Variants in ZNF765 observed in about 807,000 individuals in gnomAD.
ZNF765 encodes the protein zinc finger protein 765.
In ZNF765, 37 loss-of-function variants were observed where a neutral mutation model predicts 44.7. The ratio of observed to expected loss-of-function variants is 0.83; its 90% CI spans 0.64 to 1.09. The LOEUF is 1.09. ZNF765 is among the 50% of genes least tolerant of loss of function. ZNF765 has a pLI of 0.00. For synonymous variants in ZNF765, 201 were observed against 213.7 expected (o/e 0.94, Z 0.52); for missense variants, 594 against 626.1 (o/e 0.95, Z 0.55).
At chr19:53,412,660 C>T (rs2085842423), downstream of ZNF765, among the ~76,000 whole-genome samples, 1 of 152,074 alleles carries the variant, frequency 6.6e-6, no homozygotes, top group African/African-American at 2.4e-5. Context: ...ATGATGAGAT[C>T]AGATGCAGTG....
chr19:53,396,760 A>T (rs2085675075), intron 1 of ZNF765, among the ~76,000 whole-genome samples: 1 of 152,178 alleles, frequency 6.6e-6, no homozygotes, highest in East Asian at 1.9e-4. Context: ...TTTTGGAGTG[A>T]ATGAATGCAT....
At chr19:53,400,321 G>C (rs1290560112) in intron 2 of ZNF765, among the ~76,000 whole-genome samples, 1 of 152,058 alleles carries the variant, frequency 6.6e-6, no homozygotes, top group Non-Finnish European at 1.5e-5. Flanking sequence ...ATGACAAATG[G>C]GCCTTTGCAA....
chr19:53,408,406 A>G lies in ZNF765; in HGVS notation c.851A>G (p.Tyr284Cys). 1.9e-6 allele frequency: 3 copies of G among 1,608,400 alleles called. No homozygotes were observed. The highest frequency in any genetic ancestry group is 2.5e-6 in the Non-Finnish European group (3 of 1,178,126). The stretch of plus-strand genomic sequence containing the variant: ...TGTGGCAAGACCTTCAGTCAGACAT[A>G]TTACCTAACATGCCATCGTAGACTT... Reference protein sequence around the residue: ...NECGKTFSQTYYLTCHRRLHT... With the variant: ...NECGKTFSQTCYLTCHRRLHT... Residue 284 changes from tyrosine (Y) to cysteine (C), a missense_variant, in exon 4 of 4, where the codon TAT becomes TGT. Transcript: ENST00000396408.
At chr19:53,421,628 C>T (rs1489807465) in intron 3 of ZNF765, among the ~76,000 whole-genome samples, 2 of 152,154 alleles carry the variant, frequency 1.3e-5, no homozygotes, top group Admixed American at 1.3e-4. Context: ...AATTCTCCTG[C>T]CTCAGCCTCC....
downstream of ZNF765, among the ~76,000 whole-genome samples, chr19:53,415,600 C>T (rs916560216): frequency 6.6e-6 from 1 of 152,082 alleles, no homozygotes; most frequent in Non-Finnish European, 1.5e-5. Flanking sequence ...CACAGTATAG[C>T]CAGCAGTTTA....
At chr19:53,413,189 C>T, downstream of ZNF765, 1 of 580,246 alleles carries the variant, frequency 1.7e-6, no homozygotes, top group Non-Finnish European at 3.3e-6. Flanking sequence ...TGCCTCTCAC[C>T]AGATCTTCTT....
chr19:53,405,529 G>GT (rs2085765235), intron 3 of ZNF765, among the ~76,000 whole-genome samples: 1 of 151,490 alleles, frequency 6.6e-6, no homozygotes, highest in Non-Finnish European at 1.5e-5. Context: ...TTGGTTCCTG[G>GT]TGAGAGCATT....
rs563791044 is a variant in ZNF765 at position 53,410,571 on chromosome 19, T to C, written c.*1444T>C. 40 of 434,616 alleles carry C rather than the reference T, an allele frequency of 9.2e-5. 2 individuals carry two copies. The highest frequency in any genetic ancestry group is 7.5e-4 in the South Asian group (39 of 52,068). The allele number at this position is 434,616 out of a possible 1,614,324, so 26.9% of individuals were successfully genotyped here. On this transcript the variant is annotated 3_prime_UTR_variant, in exon 4 of 4. Coordinates refer to ENST00000396408, the MANE Select transcript of ZNF765 (RefSeq NM_001040185.3). Reference sequence around the variant, plus strand: ...CACTTGTTTACCATCAGGCAATCCATGGTGTAGGGAAACTTTACTTATGTA... The same window carrying C: ...CACTTGTTTACCATCAGGCAATCCACGGTGTAGGGAAACTTTACTTATGTA...
downstream of ZNF765, among the ~76,000 whole-genome samples, chr19:53,414,466 CACACACACACACACACACACA>C (rs2085859489): frequency 4.0e-5 from 1 of 25,296 alleles, no homozygotes; most frequent in African/African-American, 1.3e-4. Context: ...CACACACACA[CACACACACACACACACACACA>C]CACCCCCCCC....
chr19:53,422,452 A>G (rs567686772), intron 3 of ZNF765, among the ~76,000 whole-genome samples: 20 of 152,346 alleles, frequency 1.3e-4, no homozygotes, highest in African/African-American at 4.8e-4. Context: ...GCAAAGAGCA[A>G]TTCATTGCAA....
At chr19:53,401,849 C>A in intron 2 of ZNF765, 2 of 1,275,744 alleles carry the variant, frequency 1.6e-6, no homozygotes, top group Non-Finnish European at 2.2e-6. Context: ...GCACTCCAGG[C>A]TGGGCAACAG....
Position 53,408,620 on chromosome 19 carries a change from C to G in ZNF765, c.1065C>G (p.Tyr355Ter). ...HRRLHTGEKPYKCNECGKTFS... is the reference protein window; with the variant it reads ...HRRLHTGEKP The stretch of plus-strand genomic sequence containing the variant: ...GGCTTCATACTGGAGAGAAACCTTA[C>G]AAGTGTAATGAGTGTGGCAAGACCT... The change falls in exon 4 of 4, where the codon TAC becomes TAG. Residue 355 changes from tyrosine (Y) to a stop codon, truncating the protein, a stop_gained. Coordinates refer to ENST00000396408, the MANE Select transcript of ZNF765 (RefSeq NM_001040185.3). LOFTEE classifies it high-confidence loss of function. 1 of 1,614,020 alleles carries G rather than the reference C, an allele frequency of 6.2e-7. No individual in the cohort carries two copies. The highest frequency in any genetic ancestry group is 1.1e-5 in the South Asian group (1 of 91,030).
chr19:53,405,317 A>T (rs1466236247), intron 3 of ZNF765, among the ~76,000 whole-genome samples: 1 of 151,930 alleles, frequency 6.6e-6, no homozygotes, highest in East Asian at 1.9e-4. Flanking sequence ...GCCCCACTAC[A>T]CTCCAGTCCA....
exon 4 of ZNF765, chr19:53,424,182 G>C (rs2147110198): frequency 6.6e-6 from 1 of 152,022 alleles, no homozygotes; most frequent in East Asian, 1.9e-4. Flanking sequence ...AGGCGCGGTG[G>C]CTCACGCCTG....
chr19:53,411,047 A>T lies in ZNF765; in HGVS notation c.*1920A>T. 3.3e-6 allele frequency: 1 copy of T among 303,086 alleles called. No individual in the cohort carries two copies. The highest frequency in any genetic ancestry group is 3.4e-5 in the South Asian group (1 of 29,742). The allele number at this position is 303,086 out of a possible 1,614,324, so 18.8% of individuals were successfully genotyped here. ...ATAGCAAACCATCAAGCATTAATTG[A>T]CACTAGAGTCAGTTCAGCATTGACT... is the stretch of plus-strand genomic sequence containing the variant. On this transcript the variant is annotated 3_prime_UTR_variant, in exon 4 of 4. Coordinates refer to ENST00000396408, the MANE Select transcript of ZNF765 (RefSeq NM_001040185.3).
At chr19:53,397,199 G>C (rs2085680125) in intron 1 of ZNF765, among the ~76,000 whole-genome samples, 1 of 152,202 alleles carries the variant, frequency 6.6e-6, no homozygotes, top group Admixed American at 6.5e-5. Context: ...GCAGCAATTA[G>C]TTAGATTAAA....
chr19:53,413,930 C>CAAAAAAAAAAAAAAA (rs386389261), downstream of ZNF765, among the ~76,000 whole-genome samples: 6 of 79,770 alleles, frequency 7.5e-5, 1 homozygote, highest in Admixed American at 1.8e-4. Flanking sequence ...GCTAGAAAGA[C>CAAAAAAAAAAAAAAA]AAAAAAAAAA....
chr19:53,408,517 A>G lies in ZNF765; in HGVS notation c.962A>G (p.His321Arg). ...KSKLQIHRRI[H>R]TGEKPYKCNE... Reference sequence around the variant, plus strand: ...AAGCTTCAAATACATAGGAGAATTCATACTGGAGAGAAACCGTACAAGTGT... The same window carrying G: ...AAGCTTCAAATACATAGGAGAATTCGTACTGGAGAGAAACCGTACAAGTGT... Residue 321 changes from histidine to arginine, a missense_variant, in exon 4 of 4, where the codon CAT becomes CGT. His to Arg is a conservative substitution (Grantham distance 29). Transcript: ENST00000396408. 4 of 1,612,188 alleles carry G rather than the reference A, an allele frequency of 2.5e-6. No homozygotes were observed. Among genetic ancestry groups the G allele is most frequent in the Non-Finnish European group, 2.5e-6 (3 of 1,179,054 alleles).
At chr19:53,414,507 C>A (rs1406490724), downstream of ZNF765, among the ~76,000 whole-genome samples, 8 of 57,364 alleles carry the variant, frequency 1.4e-4, no homozygotes, top group Non-Finnish European at 2.9e-4. Flanking sequence ...CCCCCCCCCC[C>A]CCGGGGAAAA....
Sources: allele counts gnomAD v4.1 joint callset (sites outside exome capture counted in the v4.1 genomes callset), GRCh38; gene constraint gnomAD v4.1.1; transcripts MANE v1.5; gene names NCBI Gene and HGNC (gene_info 2026-07-23, HGNC 2026-07-21).